The following CDC42EP3 variants were observed in gnomAD, a reference collection of about 807,000 sequenced individuals.
CDC42EP3 encodes CDC42 effector protein 3.
In CDC42EP3, 4 loss-of-function variants were observed where a neutral mutation model predicts 15.5. That is an observed-to-expected ratio of 0.26 (90% CI 0.13 to 0.59). The LOEUF (loss-of-function observed/expected upper bound fraction) is 0.59. CDC42EP3 is among the 20% of genes least tolerant of loss of function. The probability of loss-of-function intolerance (pLI) is 0.89; values close to 1 mark genes in which losing one functional copy is unlikely to be tolerated. For synonymous variants in CDC42EP3, 145 were observed against 130.3 expected (o/e 1.11, Z -0.77); for missense variants, 309 against 311.2 (o/e 0.99, Z 0.05).
Position 37,645,119 on chromosome 2 carries a change from T to C in CDC42EP3, c.*704A>G, listed in dbSNP as rs1009959958. The C allele has an allele frequency of 6.6e-6, 1 of 152,458 alleles. No homozygotes were observed. Among genetic ancestry groups the C allele is most frequent in the Non-Finnish European group, 1.5e-5 (1 of 68,028 alleles). The allele number at this position is 152,458 out of a possible 1,614,324, so 9.4% of individuals were successfully genotyped here. A position where few individuals can be genotyped will look rare whatever the true frequency, so the allele number is the denominator to read the frequency against. On this transcript the variant is annotated 3_prime_UTR_variant, in exon 2 of 2. Transcript: ENST00000295324. ...ATCCCAATGGAAATAAGTGACAACA[T>C]CTGATGTAGAATCTATAAAATGTAG...
intron 1 of CDC42EP3, among the ~76,000 whole-genome samples, chr2:37,661,715 G>A (rs186638188): frequency 4.6e-5 from 7 of 152,250 alleles, no homozygotes; most frequent in African/African-American, 1.2e-4. Context: ...GCCATCTGAC[G>A]GACTCTGGAC....
chr2:37,645,783 T>G lies in CDC42EP3; in HGVS notation c.*40A>C. 6.7e-7 allele frequency: 1 copy of G among 1,486,346 alleles called. No individual in the cohort carries two copies. The highest frequency in any genetic ancestry group is 1.4e-5 in the South Asian group (1 of 71,072). The allele number at this position is 1,486,346 out of a possible 1,614,324, so 92.1% of individuals were successfully genotyped here. On this transcript the variant is annotated 3_prime_UTR_variant, in exon 2 of 2. Transcript: ENST00000295324. Reference sequence around the variant, plus strand: ...TCTCTTCAACTGTGGTTAGTTTGTTTTTGTACCTTTTACCCCAAAGGAAAA... The same window carrying G: ...TCTCTTCAACTGTGGTTAGTTTGTTGTTGTACCTTTTACCCCAAAGGAAAA...
chr2:37,649,969 G>T (rs891692721), intron 1 of CDC42EP3, among the ~76,000 whole-genome samples: 2 of 152,164 alleles, frequency 1.3e-5, no homozygotes, highest in African/African-American at 4.8e-5. Context: ...GCATGATGGG[G>T]CATAGGCTTC....
intron 1 of CDC42EP3, among the ~76,000 whole-genome samples, chr2:37,659,458 C>T (rs559455146): frequency 1.8e-4 from 27 of 152,256 alleles, no homozygotes; most frequent in African/African-American, 5.5e-4. Context: ...TTCTACAGGA[C>T]CATACAGATC....
At chr2:37,671,947 G>A (rs1666446353), upstream of CDC42EP3, 1 of 152,204 alleles carries the variant, frequency 6.6e-6, no homozygotes. Flanking sequence ...CACAAAGAAA[G>A]GTCGCCGGAC....
At chr2:37,667,363 C>T (rs1406519075) in intron 1 of CDC42EP3, among the ~76,000 whole-genome samples, 1 of 152,138 alleles carries the variant, frequency 6.6e-6, no homozygotes, top group Non-Finnish European at 1.5e-5. Flanking sequence ...TAGTGTGGTT[C>T]CTGCCTTCAA....
Position 37,646,615 on chromosome 2 carries a change from A to G in CDC42EP3, c.-28T>C, listed in dbSNP as rs1665489736. On this transcript the variant is annotated 5_prime_UTR_variant, in exon 2 of 2. Coordinates refer to ENST00000295324, the MANE Select transcript of CDC42EP3 (RefSeq NM_006449.5). ...TGGAATTTGAGAATGTCTATTTTGC[A>G]AGCGGGAGAAAGGGCCACTTTCTTC... The G allele has an allele frequency of 2.6e-6, 4 of 1,519,698 alleles. No individual in the cohort carries two copies. In the South Asian group the frequency reaches 5.4e-5, roughly 20 times the overall value. The allele number at this position is 1,519,698 out of a possible 1,614,324, so 94.1% of individuals were successfully genotyped here. A position where few individuals can be genotyped will look rare whatever the true frequency, so the allele number is the denominator to read the frequency against.
chr2:37,667,962 T>G (rs1666295957), intron 1 of CDC42EP3, among the ~76,000 whole-genome samples: 1 of 152,230 alleles, frequency 6.6e-6, no homozygotes. Context: ...TGCCTTATCC[T>G]CCACGGATAT....
chr2:37,670,236 C>T (rs531071476), intron 1 of CDC42EP3, among the ~76,000 whole-genome samples: 1 of 152,292 alleles, frequency 6.6e-6, no homozygotes, highest in Non-Finnish European at 1.5e-5. Context: ...ATACAGACAT[C>T]TGCTGCTCTC....
At chr2:37,649,338 T>C (rs573377879) in intron 1 of CDC42EP3, among the ~76,000 whole-genome samples, 11 of 150,616 alleles carry the variant, frequency 7.3e-5, no homozygotes, top group Non-Finnish European at 1.5e-4. Flanking sequence ...ACCTGCAGTC[T>C]TAGCTACTTG....
chr2:37,669,440 C>T (rs1004384192), intron 1 of CDC42EP3, among the ~76,000 whole-genome samples: 2 of 152,172 alleles, frequency 1.3e-5, no homozygotes, highest in African/African-American at 2.4e-5. Context: ...ATCACTGTTA[C>T]GGCTTTGTAT....
At chr2:37,669,544 A>G (rs971321119) in intron 1 of CDC42EP3, among the ~76,000 whole-genome samples, 1 of 152,254 alleles carries the variant, frequency 6.6e-6, no homozygotes, top group Admixed American at 6.5e-5. Context: ...CCATAGAGAT[A>G]CGTGAAACAA....
chr2:37,643,017 A>G lies in CDC42EP3; in HGVS notation c.*2806T>C, dbSNP rs923625673. The G allele has an allele frequency of 6.6e-6, 1 of 152,224 alleles. No homozygotes were observed. Among genetic ancestry groups the G allele is most frequent in the Non-Finnish European group, 1.5e-5 (1 of 68,036 alleles). 9.4% of individuals were successfully genotyped at this position (152,224 alleles called of 1,614,324 possible). On this transcript the variant is annotated 3_prime_UTR_variant, in exon 2 of 2. Coordinates refer to ENST00000295324, the MANE Select transcript of CDC42EP3 (RefSeq NM_006449.5). ...TGTTAGGTCTCACTAGGGGAAAAAAATCGCTCACAAGAGCCTTGCCTACCT... is the reference window on the plus strand; with the variant it reads ...TGTTAGGTCTCACTAGGGGAAAAAAGTCGCTCACAAGAGCCTTGCCTACCT...
At chr2:37,665,783 C>T (rs528084355) in intron 1 of CDC42EP3, among the ~76,000 whole-genome samples, 4 of 152,242 alleles carry the variant, frequency 2.6e-5, no homozygotes, top group Admixed American at 1.3e-4. Context: ...GAGATCTGCA[C>T]GGGTCTGTTT....
intron 1 of CDC42EP3, among the ~76,000 whole-genome samples, chr2:37,667,228 T>C (rs1193581349): frequency 2.6e-5 from 4 of 152,238 alleles, no homozygotes; most frequent in East Asian, 1.9e-4. Context: ...ACTTCTGCCA[T>C]GGACACAGCC....
intron 1 of CDC42EP3, among the ~76,000 whole-genome samples, chr2:37,661,113 G>A (rs1003300531): frequency 3.1e-4 from 17 of 54,242 alleles, no homozygotes; most frequent in African/African-American, 7.6e-4. Flanking sequence ...TGTGTACAGT[G>A]TGTGTGTGTG....
upstream of CDC42EP3, chr2:37,671,649 G>C (rs1210660370): frequency 2.0e-5 from 3 of 152,298 alleles, no homozygotes; most frequent in Non-Finnish European, 4.4e-5. Flanking sequence ...GACTGAGCGC[G>C]GGGCGGCCGG....
At chr2:37,651,848 T>C (rs1044274422) in intron 1 of CDC42EP3, among the ~76,000 whole-genome samples, 3 of 152,170 alleles carry the variant, frequency 2.0e-5, no homozygotes, top group East Asian at 1.9e-4. Flanking sequence ...CTATATGCCA[T>C]GACTTGAAAT....
chr2:37,660,491 T>A (rs1023529458), intron 1 of CDC42EP3, among the ~76,000 whole-genome samples: 18 of 152,188 alleles, frequency 1.2e-4, no homozygotes, highest in Non-Finnish European at 2.5e-4. Context: ...CAGATAAAAG[T>A]GGTGTTTTCA....
Sources: gnomAD v4.1 joint callset for allele counts (sites outside exome capture counted in the v4.1 genomes callset) on GRCh38, gnomAD v4.1.1 for gene constraint, MANE v1.5 for transcripts, NCBI Gene and HGNC (gene_info 2026-07-23, HGNC 2026-07-21) for gene names.